The following BRINP3 variants were observed in gnomAD, a reference collection of about 807,000 sequenced individuals.
BRINP3 encodes the protein BMP/retinoic acid inducible neural specific 3, also known as BMP/retinoic acid-inducible neural-specific protein 3.
Under a neutral mutation model 71.0 loss-of-function variants are expected in BRINP3, and 19 were observed. The observed-to-expected ratio is 0.27, with a 90% CI of 0.19 to 0.39. The LOEUF is 0.39. Among genes scored for constraint, BRINP3 ranks in the 10% least tolerant of loss-of-function variants. The pLI is 1.00. For synonymous variants in BRINP3, 380 were observed against 337.7 expected (o/e 1.13, Z -1.37); for missense variants, 959 against 940.8 (o/e 1.02, Z -0.25).
At chr1:190,265,125 G>T in intron 3 of BRINP3, 70 bp from the exon 4 acceptor site, 1 of 1,361,614 alleles carries the variant, frequency 7.3e-7, no homozygotes, top group East Asian at 2.5e-5. Flanking sequence ...ATCTGCAGGT[G>T]GAAAGGTCTA....
chr1:190,099,360 CACAAA>C (rs1353434515), intron 7 of BRINP3, among the ~76,000 whole-genome samples: 12 of 151,870 alleles, frequency 7.9e-5, no homozygotes, highest in African/African-American at 2.9e-4. Flanking sequence ...TTTATCACTG[CACAAA>C]ACAAGATTAG....
intron 2 of BRINP3, among the ~76,000 whole-genome samples, chr1:190,428,565 T>C (rs967943823): frequency 9.9e-5 from 15 of 152,100 alleles, no homozygotes; most frequent in Non-Finnish European, 1.9e-4. Flanking sequence ...GCAATCAAGA[T>C]TCTATCTTTA....
At chr1:190,285,296 T>G (rs1429880029) in intron 2 of BRINP3, among the ~76,000 whole-genome samples, 2 of 152,136 alleles carry the variant, frequency 1.3e-5, no homozygotes, top group Non-Finnish European at 2.9e-5. Context: ...GATGACATTT[T>G]AAGTCACCGT....
At chr1:190,333,517 T>C (rs1308793929) in intron 2 of BRINP3, among the ~76,000 whole-genome samples, 2 of 151,958 alleles carry the variant, frequency 1.3e-5, no homozygotes, top group South Asian at 4.1e-4. Flanking sequence ...TTATTAATGA[T>C]CAAATTATGT....
intron 7 of BRINP3, among the ~76,000 whole-genome samples, chr1:190,103,306 A>G (rs1264907835): frequency 6.6e-6 from 1 of 152,102 alleles, no homozygotes; most frequent in African/African-American, 2.4e-5. Context: ...AAAGGATATA[A>G]CAGGTAAAAC....
At chr1:190,451,290 A>T (rs114999891) in intron 2 of BRINP3, among the ~76,000 whole-genome samples, 1 of 152,198 alleles carries the variant, frequency 6.6e-6, no homozygotes, top group Non-Finnish European at 1.5e-5. Context: ...CTTAGAACTC[A>T]TATCAGTAGT....
At chr1:190,106,798 T>C (rs1308519006) in intron 7 of BRINP3, among the ~76,000 whole-genome samples, 1 of 151,904 alleles carries the variant, frequency 6.6e-6, no homozygotes, top group Admixed American at 6.6e-5. Flanking sequence ...TCTGTTTTTC[T>C]TTAAAATATG....
At chr1:190,180,760 TA>T (rs544311871) in intron 6 of BRINP3, among the ~76,000 whole-genome samples, 4 of 152,114 alleles carry the variant, frequency 2.6e-5, no homozygotes, top group Admixed American at 6.6e-5. Flanking sequence ...ATTTAAATAT[TA>T]AAAAAACTTT....
In BRINP3 at chr1:190,449,765, G is replaced by A. The variant is rs1415366208; in HGVS notation, c.236+4890C>T. Among the ~76,000 whole-genome samples, 7 of 152,094 alleles carry A rather than the reference G, an allele frequency of 4.6e-5. No individual in the cohort carries two copies. In the South Asian group the frequency reaches 6.2e-4, roughly 14 times the overall value. On this transcript the variant is annotated intron_variant, in intron 2 of 7. Transcript: ENST00000367462. ...TTAATTATCAGTGTATAGCTGAGGC[G>A]GAATTTACTCTGACATTCATTTCTC...
chr1:190,162,999 A>G (rs1487600525), intron 6 of BRINP3, among the ~76,000 whole-genome samples: 2 of 152,116 alleles, frequency 1.3e-5, no homozygotes, highest in Non-Finnish European at 2.9e-5. Context: ...ATGACTAATG[A>G]TGTGCAATAT....
At chr1:190,145,279 T>A (rs1430695173) in intron 7 of BRINP3, among the ~76,000 whole-genome samples, 1 of 152,204 alleles carries the variant, frequency 6.6e-6, no homozygotes, top group Non-Finnish European at 1.5e-5. Flanking sequence ...TAACTTTAAC[T>A]TTTTGTATGT....
intron 2 of BRINP3, among the ~76,000 whole-genome samples, chr1:190,357,173 T>C (rs991669470): frequency 6.6e-6 from 1 of 152,008 alleles, no homozygotes; most frequent in African/African-American, 2.4e-5. Flanking sequence ...CTATAAGTTT[T>C]TTCAGATCAG....
rs185927403 is a variant in BRINP3 at position 190,254,725 on chromosome 1, C to T, written c.618+10140G>A. ...ACAATCATGTCTTCAGCAACAGGGA[C>T]AATTTCACTTCCTCTTTTCCTAATT... On this transcript the variant is annotated intron_variant, in intron 4 of 7. Transcript: ENST00000367462. 2.9e-3 allele frequency among the ~76,000 whole-genome samples: 440 copies of T among 152,240 alleles called. 3 individuals carry two copies. The highest frequency in any genetic ancestry group is 1.0e-2 in the African/African-American group (415 of 41,542).
At chr1:190,153,776 C>A (rs1656625905) in intron 7 of BRINP3, among the ~76,000 whole-genome samples, 1 of 152,022 alleles carries the variant, frequency 6.6e-6, no homozygotes, top group African/African-American at 2.4e-5. Flanking sequence ...TTGGAGGATC[C>A]CTTGAGCTCA....
At chr1:190,203,375 G>T (rs1173504767) in intron 6 of BRINP3, among the ~76,000 whole-genome samples, 1 of 149,836 alleles carries the variant, frequency 6.7e-6, no homozygotes, top group African/African-American at 2.5e-5. Context: ...TTTAAAAGAG[G>T]CACATTGCAA....
At chr1:190,232,537 A>C (rs1658093561) in intron 5 of BRINP3, among the ~76,000 whole-genome samples, 1 of 152,006 alleles carries the variant, frequency 6.6e-6, no homozygotes, top group African/African-American at 2.4e-5. Context: ...TAGACAATTA[A>C]AAATACAGAC....
At chr1:190,180,604 TAAG>T (rs1441789032) in intron 6 of BRINP3, among the ~76,000 whole-genome samples, 5 of 152,102 alleles carry the variant, frequency 3.3e-5, no homozygotes, top group African/African-American at 7.2e-5. Flanking sequence ...AGTAGCCACC[TAAG>T]AAGGTTTGTG....
chr1:190,300,666 G>C (rs188681619), intron 2 of BRINP3, among the ~76,000 whole-genome samples: 2,976 of 152,140 alleles, frequency 0.02, 29 homozygotes, highest in Admixed American at 0.033. Flanking sequence ...AGCAGGGGCA[G>C]ACTGACACCT....
At chr1:190,441,332 T>C (rs1353077861) in intron 2 of BRINP3, among the ~76,000 whole-genome samples, 2 of 152,014 alleles carry the variant, frequency 1.3e-5, no homozygotes, top group African/African-American at 4.8e-5. Context: ...ATCCTTGCAA[T>C]AAAACGTGAA....
Sources: gnomAD v4.1 joint callset for allele counts (sites outside exome capture counted in the v4.1 genomes callset) on GRCh38, gnomAD v4.1.1 for gene constraint, MANE v1.5 for transcripts, NCBI Gene and HGNC (gene_info 2026-07-23, HGNC 2026-07-21) for gene names.